Variants in WDPCP observed in about 807,000 individuals in gnomAD.
WDPCP encodes the protein WD repeat-containing and planar cell polarity effector protein fritz homolog.
Under a neutral mutation model 93.1 loss-of-function variants are expected in WDPCP, and 71 were observed. The ratio of observed to expected loss-of-function variants is 0.76; its 90% CI spans 0.63 to 0.93. WDPCP has a LOEUF of 0.93. Among genes scored for constraint, WDPCP ranks in the 40% least tolerant of loss-of-function variants. The probability of loss-of-function intolerance (pLI) is 0.00; values close to 1 mark genes in which losing one functional copy is unlikely to be tolerated. For missense variants in WDPCP, 844 were observed against 887.4 expected (o/e 0.95, Z 0.62); for synonymous variants, 315 against 315.0 (o/e 1.00, Z 0.00).
At chr2:63,268,583 C>G in intron 13 of WDPCP, among the ~76,000 whole-genome samples, 1 of 152,146 alleles carries the variant, frequency 6.6e-6, no homozygotes, top group Non-Finnish European at 1.5e-5. Context: ...CCTCCCATCT[C>G]AGCCTCCCAA....
intron 2 of WDPCP, among the ~76,000 whole-genome samples, chr2:63,752,946 G>A (rs1430598223): frequency 6.6e-6 from 1 of 151,798 alleles, no homozygotes; most frequent in African/African-American, 2.4e-5. Flanking sequence ...CACCCACCTC[G>A]GCCTCCCAAA....
rs144462690 is a variant in WDPCP, at chr2:63,502,613, A to G, written c.76-9673T>C. On this transcript the variant is annotated intron_variant, in intron 1 of 17. Transcript: ENST00000272321. ...ATTTTTAAAACAATTTGTTCCCTCT[A>G]TAAATTACCTGTTCCTATATTTTGC... Among the ~76,000 whole-genome samples, 19 of 152,272 alleles carry G rather than the reference A, an allele frequency of 1.2e-4. No homozygotes were observed. In the Middle Eastern group the frequency reaches 0.01, roughly 82 times the overall value.
At chr2:63,255,585 AT>A (rs778994316) in intron 14 of WDPCP, among the ~76,000 whole-genome samples, 5 of 152,252 alleles carry the variant, frequency 3.3e-5, no homozygotes, top group Non-Finnish European at 7.4e-5. Flanking sequence ...ACCATGTGAT[AT>A]GGCATCTCCC....
intron 12 of WDPCP, among the ~76,000 whole-genome samples, chr2:63,374,334 C>T (rs1691660668): frequency 6.6e-6 from 1 of 152,254 alleles, no homozygotes; most frequent in South Asian, 2.1e-4. Flanking sequence ...TCATTTCAGC[C>T]TGTTTCCCTT....
chr2:63,284,673 A>G (rs1246487934), intron 13 of WDPCP, among the ~76,000 whole-genome samples: 4 of 152,228 alleles, frequency 2.6e-5, no homozygotes, highest in African/African-American at 4.8e-5. Flanking sequence ...TAAAGTATGA[A>G]TATGTTAGAC....
At chr2:63,222,455 CTGTT>C (rs763627628) in intron 14 of WDPCP, among the ~76,000 whole-genome samples, 4 of 152,196 alleles carry the variant, frequency 2.6e-5, no homozygotes, top group Non-Finnish European at 5.9e-5. Context: ...ATTAAATACA[CTGTT>C]TGTTTATCAT....
the WDPCP span, among the ~76,000 whole-genome samples, chr2:63,839,941 C>T: frequency 1.3e-3 from 202 of 152,292 alleles, 1 homozygote; most frequent in African/African-American, 4.8e-3. Flanking sequence ...CTAGCCTTTT[C>T]TGTGTTGTTT....
rs2105186738 is a variant in WDPCP, at chr2:63,404,217, G to A, written c.1266C>T (p.Pro422=). The A allele has an allele frequency of 6.2e-7, 1 of 1,613,796 alleles. No individual in the cohort carries two copies. Among genetic ancestry groups the A allele is most frequent in the Non-Finnish European group, 8.5e-7 (1 of 1,179,818 alleles). ...NIQLLAEDRL[P]RETLQFSKLF... ...ATTTACTGAATTGCAGAGTCTCCCTGGGTAAGCGGTCTTCAGCCAACAGTT... is the reference window on the plus strand; with the variant it reads ...ATTTACTGAATTGCAGAGTCTCCCTAGGTAAGCGGTCTTCAGCCAACAGTT... The change falls in exon 10 of 18, where the codon CCC becomes CCT. Residue 422 remains proline, a synonymous_variant. Transcript: ENST00000272321.
At chr2:63,424,046 A>C (rs963196816) in intron 9 of WDPCP, among the ~76,000 whole-genome samples, 2 of 152,152 alleles carry the variant, frequency 1.3e-5, no homozygotes, top group African/African-American at 2.4e-5. Flanking sequence ...CCAGGACAGC[A>C]ATCCTGGCCC....
chr2:63,355,552 A>G (rs1043952154), intron 12 of WDPCP, among the ~76,000 whole-genome samples: 20 of 152,156 alleles, frequency 1.3e-4, no homozygotes, highest in Non-Finnish European at 2.8e-4. Flanking sequence ...ACAAGCTAAC[A>G]TAATAACCAG....
intron 3 of WDPCP, among the ~76,000 whole-genome samples, chr2:63,631,170 AC>A (rs1709861563): frequency 6.6e-6 from 1 of 152,086 alleles, no homozygotes; most frequent in East Asian, 1.9e-4. Flanking sequence ...AATCCCAGGT[AC>A]TAAGGAGGCT....
intron 2 of WDPCP, among the ~76,000 whole-genome samples, chr2:63,746,668 C>T (rs892983782): frequency 6.6e-6 from 1 of 152,156 alleles, no homozygotes; most frequent in African/African-American, 2.4e-5. Flanking sequence ...GAAACACGCC[C>T]TAGTCTCCTG....
At chr2:63,792,791 G>C (rs558296615) in intron 2 of WDPCP, among the ~76,000 whole-genome samples, 26 of 152,194 alleles carry the variant, frequency 1.7e-4, no homozygotes, top group African/African-American at 6.3e-4. Flanking sequence ...TGTAGGATCA[G>C]ACCTGAGGGC....
At chr2:63,618,625 C>A (rs1709698106) in intron 3 of WDPCP, among the ~76,000 whole-genome samples, 1 of 151,776 alleles carries the variant, frequency 6.6e-6, no homozygotes, top group South Asian at 2.1e-4. Context: ...CTTTTTGAAG[C>A]ATGGGTACTG....
chr2:63,587,817 A>T (rs1708972031), intron 1 of WDPCP, among the ~76,000 whole-genome samples: 1 of 152,258 alleles, frequency 6.6e-6, no homozygotes, highest in African/African-American at 2.4e-5. Flanking sequence ...TTAAGACTCA[A>T]GATGGTTTAA....
intron 2 of WDPCP, among the ~76,000 whole-genome samples, chr2:63,708,495 G>C (rs1169063517): frequency 1.3e-5 from 2 of 152,220 alleles, no homozygotes; most frequent in Non-Finnish European, 2.9e-5. Flanking sequence ...ATTAGGGTGG[G>C]AGTGACCCGA....
chr2:63,358,696 A>G (rs918396239), intron 12 of WDPCP, among the ~76,000 whole-genome samples: 3 of 152,096 alleles, frequency 2.0e-5, no homozygotes, highest in Admixed American at 6.5e-5. Flanking sequence ...GCCTCAAGCA[A>G]TCTTCCCACC....
At chr2:63,294,073 T>G (rs963655333) in intron 13 of WDPCP, among the ~76,000 whole-genome samples, 1 of 152,080 alleles carries the variant, frequency 6.6e-6, no homozygotes, top group Non-Finnish European at 1.5e-5. Context: ...TAATTAAATG[T>G]TCAAAATACA....
chr2:63,687,837 A>G (rs1668830248), intron 2 of WDPCP, among the ~76,000 whole-genome samples: 1 of 152,250 alleles, frequency 6.6e-6, no homozygotes, highest in Admixed American at 6.5e-5. Flanking sequence ...ACTACTCGGT[A>G]TATACCTAAA....
Sources: allele counts gnomAD v4.1 joint callset (sites outside exome capture counted in the v4.1 genomes callset), GRCh38; gene constraint gnomAD v4.1.1; transcripts MANE v1.5; gene names NCBI Gene and HGNC (gene_info 2026-07-23, HGNC 2026-07-21).